Variants in VASH2 observed in about 807,000 individuals in gnomAD.
VASH2 encodes tubulinyl-Tyr carboxypeptidase 2.
A neutral mutation model predicts 37.2 loss-of-function variants in VASH2; 28 were observed. That is an observed-to-expected ratio of 0.75 (90% confidence interval 0.56 to 1.03). The LOEUF is 1.03. Among genes scored for constraint, VASH2 ranks in the 50% least tolerant of loss-of-function variants. The pLI, the probability that VASH2 is intolerant of heterozygous loss-of-function variation, is 0.00. For synonymous variants in VASH2, 188 were observed against 174.7 expected, an observed-to-expected ratio of 1.08 and a Z score of -0.60; for missense variants, 419 against 459.1, an observed-to-expected ratio of 0.91 and a Z score of 0.80.
intron 5 of VASH2, among the ~76,000 whole-genome samples, chr1:212,969,705 C>T (rs1054654769): frequency 6.6e-6 from 1 of 152,190 alleles, no homozygotes; most frequent in African/African-American, 2.4e-5. Context: ...TGTCTTTTCT[C>T]TTTGCTTTGG....
chr1:212,973,249 C>A (rs1667065787), intron 6 of VASH2, among the ~76,000 whole-genome samples: 1 of 152,124 alleles, frequency 6.6e-6, no homozygotes, highest in African/African-American at 2.4e-5. Context: ...ATAGGGTGAC[C>A]AGTTGTACTA....
intron 2 of VASH2, among the ~76,000 whole-genome samples, chr1:212,960,288 AT>A (rs1407500838): frequency 6.6e-6 from 1 of 152,144 alleles, no homozygotes; most frequent in Non-Finnish European, 1.5e-5. Flanking sequence ...TGTTGTAGAC[AT>A]TCAGGGAGTG....
rs2102611572 is a variant in VASH2 at position 212,951,011 on chromosome 1, A to G, written c.-205+271A>G. On this transcript the variant is annotated intron_variant, in intron 1 of 7. Transcript: ENST00000517399. The surrounding 1 kb of genome is among the most constrained non-coding windows in gnomAD (Gnocchi z 4.4). ...CTTGGCCACATCTGAGGACCCAGGA[A>G]TGTGTGGAGCCTTGCGGGAACCTCC... 6.6e-6 allele frequency among the ~76,000 whole-genome samples: 1 copy of G among 152,336 alleles called. No homozygotes were observed. Among genetic ancestry groups the G allele is most frequent in the East Asian group, 1.9e-4 (1 of 5,162 alleles).
Position 212,951,888 on chromosome 1 carries a change from TACATAGCAA to T in VASH2, c.276+74_276+82del. ...GCAGCGATGGGACCGTTTCAGCCTA[TACATAGCAA>T]ACACAGGCAATCTCCATTTTCCTAG... is the stretch of plus-strand genomic sequence containing the variant. On this transcript the variant is annotated intron_variant, in intron 2 of 7. Transcript: ENST00000517399. This position sits in a 1 kb window ranked among gnomAD's most constrained non-coding sequence, Gnocchi z 4.4. 1 of 1,493,346 alleles carries T rather than the reference TACATAGCAA, an allele frequency of 6.7e-7. No homozygotes were observed. The highest frequency in any genetic ancestry group is 9.0e-7 in the Non-Finnish European group (1 of 1,113,800). 92.5% of individuals were successfully genotyped at this position (1,493,346 alleles called of 1,614,324 possible).
chr1:212,972,994 G>A (rs2102645622), intron 6 of VASH2, 33 bp downstream of exon 6: 1 of 1,590,848 alleles, frequency 6.3e-7, no homozygotes. Context: ...AGCCATGCAG[G>A]AGAGCTCTTT....
chr1:212,953,304 C>T (rs1337234746), intron 2 of VASH2, among the ~76,000 whole-genome samples: 1 of 152,138 alleles, frequency 6.6e-6, no homozygotes, highest in African/African-American at 2.4e-5. Context: ...CACCTCTCAA[C>T]AGAATCCCCT....
chr1:212,967,410 G>A, intron 5 of VASH2: 3 of 1,192,114 alleles, frequency 2.5e-6, no homozygotes, highest in South Asian at 1.6e-5. Context: ...ATGCTCCGAA[G>A]TCCTATGGGA....
intron 2 of VASH2, among the ~76,000 whole-genome samples, chr1:212,955,978 T>C (rs1320455763): frequency 6.6e-6 from 1 of 152,254 alleles, no homozygotes; most frequent in East Asian, 1.9e-4. Flanking sequence ...TTTGTGCTTC[T>C]CTTCCCAAGC....
chr1:212,955,292 C>G (rs1666453358), intron 2 of VASH2, among the ~76,000 whole-genome samples: 1 of 152,208 alleles, frequency 6.6e-6, no homozygotes, highest in Non-Finnish European at 1.5e-5. Context: ...AGGACATTCC[C>G]TTAGCAGCCA....
intron 3 of VASH2, among the ~76,000 whole-genome samples, chr1:212,963,141 A>G (rs1023201588): frequency 1.3e-5 from 2 of 152,246 alleles, no homozygotes; most frequent in Non-Finnish European, 2.9e-5. Context: ...TCATTTGCTC[A>G]CACTGCTGTA....
chr1:212,951,559 C>T lies in VASH2; in HGVS notation c.17C>T (p.Ala6Val). 6.5e-7 allele frequency: 1 copy of T among 1,527,756 alleles called. No individual in the cohort carries two copies. Among genetic ancestry groups the T allele is most frequent in the Non-Finnish European group, 8.8e-7 (1 of 1,137,272 alleles). The allele number at this position is 1,527,756 out of a possible 1,614,324, so 94.6% of individuals were successfully genotyped here. MTGSA[A>V]DTHRCPHPKG... ...GGCCCCACCATGACCGGCTCCGCGG[C>T]CGACACTCACCGCTGCCCCCACCCC... Residue 6 changes from alanine to valine, a missense_variant, in exon 2 of 8, where the codon GCC (alanine) becomes GTC (valine). Physicochemically the swap from Ala to Val is moderately conservative, Grantham distance 64 (BLOSUM62 0). This residue lies in a region of VASH2 where 158 missense variants were observed against 163.0 expected (regional missense o/e 0.97). Transcript: ENST00000517399. The surrounding 1 kb of genome is among the most constrained non-coding windows in gnomAD (Gnocchi z 4.4).
intron 7 of VASH2, among the ~76,000 whole-genome samples, chr1:212,980,069 C>G (rs996779940): frequency 6.6e-6 from 1 of 152,114 alleles, no homozygotes; most frequent in Non-Finnish European, 1.5e-5. Context: ...TTGCTAGGGC[C>G]GGGGGCCTGA....
At chr1:212,960,741 A>T (rs1277582823) in intron 2 of VASH2, among the ~76,000 whole-genome samples, 1 of 152,176 alleles carries the variant, frequency 6.6e-6, no homozygotes, top group African/African-American at 2.4e-5. Flanking sequence ...GAGCACTTGT[A>T]GTGGATCACC....
chr1:212,977,804 T>C (rs571972509), intron 7 of VASH2, among the ~76,000 whole-genome samples: 17 of 152,268 alleles, frequency 1.1e-4, no homozygotes, highest in South Asian at 1.0e-3. Flanking sequence ...TCAGCACATA[T>C]GGGATGGAGC....
intron 2 of VASH2, among the ~76,000 whole-genome samples, chr1:212,960,960 A>T (rs1406462866): frequency 6.6e-6 from 1 of 152,212 alleles, no homozygotes; most frequent in Non-Finnish European, 1.5e-5. Context: ...TCAGAGAGGC[A>T]GAGCTTCAAT....
chr1:212,958,011 A>G (rs1361721069), intron 2 of VASH2, among the ~76,000 whole-genome samples: 1 of 152,218 alleles, frequency 6.6e-6, no homozygotes, highest in Non-Finnish European at 1.5e-5. Context: ...AGGTGATACT[A>G]TTCCTATTTT....
intron 7 of VASH2, among the ~76,000 whole-genome samples, chr1:212,977,224 C>G (rs1217924054): frequency 2.0e-5 from 3 of 152,136 alleles, no homozygotes; most frequent in Non-Finnish European, 4.4e-5. Context: ...AACAGAGATG[C>G]AGCAACCTGA....
Position 212,988,662 on chromosome 1 carries a change from C to A in VASH2, c.*78C>A. Reference sequence around the variant, plus strand: ...TACCCAGCATCTTCAGGAGGAACTGCAACTATTTATTAAGAACTTGTGAAT... The same window carrying A: ...TACCCAGCATCTTCAGGAGGAACTGAAACTATTTATTAAGAACTTGTGAAT... On this transcript the variant is annotated 3_prime_UTR_variant, in exon 8 of 8. Transcript: ENST00000517399. 3 of 1,396,564 alleles carry A rather than the reference C, an allele frequency of 2.1e-6. No individual in the cohort carries two copies. The highest frequency in any genetic ancestry group is 3.0e-6 in the Non-Finnish European group (3 of 987,630). The allele number at this position is 1,396,564 out of a possible 1,614,324, so 86.5% of individuals were successfully genotyped here.
At chr1:212,979,573 C>T (rs547548946) in intron 7 of VASH2, among the ~76,000 whole-genome samples, 4 of 152,264 alleles carry the variant, frequency 2.6e-5, no homozygotes, top group African/African-American at 9.6e-5. Flanking sequence ...CCAGCTGGAG[C>T]GACTTCCAGC....
Sources: gnomAD v4.1 joint callset for allele counts (sites outside exome capture counted in the v4.1 genomes callset) on GRCh38, gnomAD v4.1.1 for gene constraint, gnomAD v4.1.1 regional missense constraint, Gnocchi (gnomAD v3.1) non-coding constraint, MANE v1.5 for transcripts, NCBI Gene and HGNC (gene_info 2026-07-23, HGNC 2026-07-21) for gene names.